NAALADL2: variants seen among roughly 807,000 people sequenced by gnomAD.
NAALADL2 encodes the protein N-acetylated alpha-linked acidic dipeptidase like 2.
Under a neutral mutation model 87.2 loss-of-function variants are expected in NAALADL2, and 76 were observed. The ratio of observed to expected loss-of-function variants is 0.87; its 90% confidence interval spans 0.72 to 1.05. The LOEUF (loss-of-function observed/expected upper bound fraction) is 1.05. Among genes scored for constraint, NAALADL2 ranks in the 50% least tolerant of loss-of-function variants. The pLI is 0.00. For missense variants in NAALADL2, 1,089 were observed against 945.8 expected (o/e 1.15, Z -1.99); for synonymous variants, 354 against 331.0 (o/e 1.07, Z -0.75).
At chr3:175,087,251 T>C (rs1472650963) in intron 1 of NAALADL2, among the ~76,000 whole-genome samples, 2 of 151,934 alleles carry the variant, frequency 1.3e-5, no homozygotes, top group Non-Finnish European at 2.9e-5. Flanking sequence ...GGGCAGCCCC[T>C]GCCCGGCCAG....
At chr3:174,776,814 G>C (rs796836725) in intron 3 of NAALADL2, among the ~76,000 whole-genome samples, 1 of 152,192 alleles carries the variant, frequency 6.6e-6, no homozygotes. Context: ...TAACTTCATT[G>C]CTCACCATGC....
intron 3 of NAALADL2, among the ~76,000 whole-genome samples, chr3:174,838,108 A>G (rs1723576756): frequency 6.6e-6 from 1 of 152,058 alleles, no homozygotes; most frequent in Non-Finnish European, 1.5e-5. Flanking sequence ...AATACTAGCT[A>G]ACAGAATCCA....
intron 1 of NAALADL2, among the ~76,000 whole-genome samples, chr3:174,914,483 T>G (rs1011756045): frequency 6.6e-6 from 1 of 152,194 alleles, no homozygotes; most frequent in Non-Finnish European, 1.5e-5. Context: ...TTTGAATTTC[T>G]CTAGTTTTAG....
intron 1 of NAALADL2, among the ~76,000 whole-genome samples, chr3:174,996,092 T>A (rs934912747): frequency 1.3e-5 from 2 of 152,178 alleles, no homozygotes; most frequent in Non-Finnish European, 2.9e-5. Flanking sequence ...TGTTATATTA[T>A]AGATTAAAGA....
chr3:174,477,631 A>G (rs539805655), intron 1 of NAALADL2, among the ~76,000 whole-genome samples: 1 of 152,204 alleles, frequency 6.6e-6, no homozygotes, highest in Admixed American at 6.5e-5. Context: ...CACACCATTA[A>G]AAATCATGCT....
intron 1 of NAALADL2, among the ~76,000 whole-genome samples, chr3:175,086,246 G>A (rs1228964385): frequency 6.6e-6 from 1 of 152,064 alleles, no homozygotes; most frequent in Non-Finnish European, 1.5e-5. Flanking sequence ...CAACACATAG[G>A]AAAGAATGAA....
chr3:175,629,570 G>A (rs951715612), intron 11 of NAALADL2, among the ~76,000 whole-genome samples: 7 of 151,480 alleles, frequency 4.6e-5, no homozygotes, highest in Non-Finnish European at 1.0e-4. Flanking sequence ...TTGTGGAAGG[G>A]ATAATTTGAG....
chr3:175,324,960 G>C (rs1760506248), intron 5 of NAALADL2, among the ~76,000 whole-genome samples: 1 of 152,154 alleles, frequency 6.6e-6, no homozygotes, highest in South Asian at 2.1e-4. Flanking sequence ...TTTGGCAGAT[G>C]CTCACCGCAT....
chr3:174,915,318 A>G (rs1197482276), intron 1 of NAALADL2, among the ~76,000 whole-genome samples: 1 of 151,464 alleles, frequency 6.6e-6, no homozygotes, highest in African/African-American at 2.4e-5. Context: ...TTAAATCATC[A>G]TGGCTTAGTG....
At chr3:175,584,652 G>A (rs372149360) in intron 10 of NAALADL2, among the ~76,000 whole-genome samples, 59 of 152,196 alleles carry the variant, frequency 3.9e-4, no homozygotes, top group African/African-American at 1.4e-3. Flanking sequence ...GCTATATGGC[G>A]TAGCCTATTC....
chr3:175,130,525 TG>T (rs1200279010), intron 2 of NAALADL2, among the ~76,000 whole-genome samples: 1 of 152,208 alleles, frequency 6.6e-6, no homozygotes, highest in East Asian at 1.9e-4. Flanking sequence ...TGGTACGTGG[TG>T]TAAGACAAGG....
chr3:174,553,556 A>T (rs1712404433), intron 2 of NAALADL2, among the ~76,000 whole-genome samples: 1 of 152,202 alleles, frequency 6.6e-6, no homozygotes, highest in African/African-American at 2.4e-5. Flanking sequence ...TTAAATTTAG[A>T]CAGTGAAAAA....
At chr3:175,405,240 T>C (rs889296950) in intron 5 of NAALADL2, among the ~76,000 whole-genome samples, 2 of 152,180 alleles carry the variant, frequency 1.3e-5, no homozygotes, top group Non-Finnish European at 1.5e-5. Flanking sequence ...ATTTAATTTA[T>C]AATTTTATCT....
chr3:175,266,960 C>T (rs951764553), intron 4 of NAALADL2, among the ~76,000 whole-genome samples: 2 of 151,464 alleles, frequency 1.3e-5, no homozygotes, highest in Admixed American at 1.3e-4. Context: ...TACATTTTGG[C>T]TATTATCAAA....
chr3:175,560,468 C>A (rs946291564), intron 9 of NAALADL2, among the ~76,000 whole-genome samples: 1 of 151,928 alleles, frequency 6.6e-6, no homozygotes, highest in Non-Finnish European at 1.5e-5. Context: ...GTTTCAATTT[C>A]ATTTATTTCT....
rs997990527 is a variant in NAALADL2 at position 175,408,233 on chromosome 3, G to A, written c.1091-38996G>A. ...CTCTGCATGATGACTTCAGTTAATA[G>A]CAATGCATTGTATATTTCAAAATTG... On this transcript the variant is annotated intron_variant, in intron 5 of 13. Coordinates refer to ENST00000454872, the MANE Select transcript of NAALADL2 (RefSeq NM_207015.3). Among the ~76,000 whole-genome samples the A allele has an allele frequency of 1.1e-4, 16 of 152,088 alleles. 1 individual carries two copies. In the East Asian group the frequency reaches 3.1e-3, roughly 29 times the overall value.
chr3:175,128,105 A>T (rs972010259), intron 2 of NAALADL2, among the ~76,000 whole-genome samples: 2 of 152,184 alleles, frequency 1.3e-5, no homozygotes, highest in Non-Finnish European at 2.9e-5. Flanking sequence ...GTTAAGTAAT[A>T]TAGAAGGTTG....
chr3:175,432,570 GC>G (rs1224503844), intron 5 of NAALADL2, among the ~76,000 whole-genome samples: 5 of 151,898 alleles, frequency 3.3e-5, no homozygotes, highest in African/African-American at 1.2e-4. Flanking sequence ...CCTTTTCACA[GC>G]CTTATTTTCC....
At chr3:175,285,622 T>A (rs1754884781) in intron 4 of NAALADL2, among the ~76,000 whole-genome samples, 1 of 152,176 alleles carries the variant, frequency 6.6e-6, no homozygotes, top group Non-Finnish European at 1.5e-5. Context: ...TTGTGCTTTG[T>A]CCTCAAGTTT....
Sources: allele counts gnomAD v4.1 joint callset (sites outside exome capture counted in the v4.1 genomes callset), GRCh38; gene constraint gnomAD v4.1.1; transcripts MANE v1.5; gene names NCBI Gene and HGNC (gene_info 2026-07-23, HGNC 2026-07-21).